ENOX1: variants seen among roughly 807,000 people sequenced by gnomAD.
The protein encoded by ENOX1 is ecto-NOX disulfide-thiol exchanger 1, also known as candidate growth-related and time keeping constitutive hydroquinone (NADH) oxidase.
Under a neutral mutation model 82.5 loss-of-function variants are expected in ENOX1, and 42 were observed. That is an observed-to-expected ratio of 0.51 (90% CI 0.40 to 0.66). ENOX1 has a LOEUF of 0.66. Among genes scored for constraint, ENOX1 ranks in the 30% least tolerant of loss-of-function variants. ENOX1 has a pLI of 0.00. For synonymous variants in ENOX1, 271 were observed against 282.2 expected, an observed-to-expected ratio of 0.96 and a Z score of 0.40; for missense variants, 608 against 811.6, an observed-to-expected ratio of 0.75 and a Z score of 3.05.
chr13:43,257,422 C>T (rs1182853658), intron 14 of ENOX1, among the ~76,000 whole-genome samples: 1 of 152,058 alleles, frequency 6.6e-6, no homozygotes, highest in Admixed American at 6.6e-5. Context: ...ATCTATTATG[C>T]ACTGATAAAA....
chr13:43,283,594 T>G (rs2045523410), intron 12 of ENOX1, among the ~76,000 whole-genome samples: 1 of 151,890 alleles, frequency 6.6e-6, no homozygotes, highest in Non-Finnish European at 1.5e-5. Flanking sequence ...CACAGGCACG[T>G]GCTACTATGC....
chr13:43,341,347 G>T (rs1028150738), intron 9 of ENOX1, among the ~76,000 whole-genome samples: 1 of 151,924 alleles, frequency 6.6e-6, no homozygotes, highest in African/African-American at 2.4e-5. Context: ...AGAAGAGGGT[G>T]GACCAGAAAA....
intron 5 of ENOX1, among the ~76,000 whole-genome samples, chr13:43,367,171 G>T (rs2050903294): frequency 6.6e-6 from 1 of 152,138 alleles, no homozygotes; most frequent in Non-Finnish European, 1.5e-5. Flanking sequence ...TACCAATACA[G>T]TAATGACACT....
intron 2 of ENOX1, among the ~76,000 whole-genome samples, chr13:43,606,587 A>G (rs2081983575): frequency 6.6e-6 from 1 of 152,224 alleles, no homozygotes; most frequent in South Asian, 2.1e-4. Context: ...TGTGGGAGCT[A>G]AAAATTAAAA....
rs2052831653 is a variant in ENOX1 at position 43,392,291 on chromosome 13, C to T, written c.208+19625G>A. ...CCTGTCTCCACAATCAGAATATGAG[C>T]TCCATGACAGCAGGAATAACTTTAG... On this transcript the variant is annotated intron_variant, in intron 5 of 16. Coordinates refer to ENST00000690772, the MANE Select transcript of ENOX1 (RefSeq NM_001347969.2). 2.0e-5 allele frequency among the ~76,000 whole-genome samples: 3 copies of T among 152,152 alleles called. No individual in the cohort carries two copies. The South Asian group carries it at 6.2e-4, about 32-fold the overall frequency.
intron 3 of ENOX1, among the ~76,000 whole-genome samples, chr13:43,470,366 G>GTATATA (rs1427781888): frequency 1.4e-4 from 1 of 7,198 alleles, no homozygotes; most frequent in East Asian, 1.3e-3. Flanking sequence ...ATATATATAC[G>GTATATA]TATATATATA....
chr13:43,286,103 G>T (rs2045688232), intron 12 of ENOX1, among the ~76,000 whole-genome samples: 1 of 152,148 alleles, frequency 6.6e-6, no homozygotes, highest in Non-Finnish European at 1.5e-5. Flanking sequence ...CAACCATGTT[G>T]CTGGCAGGGT....
chr13:43,436,576 T>C (rs1288628476), intron 3 of ENOX1, among the ~76,000 whole-genome samples: 1 of 152,298 alleles, frequency 6.6e-6, no homozygotes, highest in South Asian at 2.1e-4. Context: ...CAACCTTTCA[T>C]GGCAGAGAAG....
At chr13:43,291,773 C>G (rs926986417) in intron 12 of ENOX1, among the ~76,000 whole-genome samples, 38 of 152,288 alleles carry the variant, frequency 2.5e-4, no homozygotes, top group African/African-American at 8.9e-4. Flanking sequence ...GTATTTTCTT[C>G]CTCCAGAGAC....
intron 2 of ENOX1, among the ~76,000 whole-genome samples, chr13:43,644,951 A>C (rs2083825493): frequency 6.6e-6 from 1 of 152,172 alleles, no homozygotes; most frequent in Admixed American, 6.6e-5. Context: ...ACTTGGGTTC[A>C]ATTTGTCACT....
intron 3 of ENOX1, among the ~76,000 whole-genome samples, chr13:43,438,210 G>A (rs941313500): frequency 2.0e-5 from 3 of 152,136 alleles, no homozygotes; most frequent in African/African-American, 7.2e-5. Flanking sequence ...GAGTGACAGG[G>A]TCAAATTTGT....
intron 12 of ENOX1, among the ~76,000 whole-genome samples, chr13:43,276,874 TG>T (rs1566400949): frequency 1.3e-5 from 2 of 152,220 alleles, no homozygotes; most frequent in African/African-American, 4.8e-5. Context: ...TCTTGTTACA[TG>T]GGCTTGTAAG....
At chr13:43,293,551 A>T (rs189894536) in intron 12 of ENOX1, among the ~76,000 whole-genome samples, 25 of 152,166 alleles carry the variant, frequency 1.6e-4, no homozygotes. Flanking sequence ...ACCACCCCTA[A>T]CATTATTATG....
At chr13:43,292,774 G>GT (rs1566439247) in intron 12 of ENOX1, among the ~76,000 whole-genome samples, 2 of 151,532 alleles carry the variant, frequency 1.3e-5, no homozygotes, top group South Asian at 2.1e-4. Flanking sequence ...TGCCACTATG[G>GT]CCCCTTCACC....
chr13:43,706,924 T>C (rs931360970), intron 1 of ENOX1, among the ~76,000 whole-genome samples: 1 of 152,056 alleles, frequency 6.6e-6, no homozygotes, highest in Admixed American at 6.5e-5. Flanking sequence ...ATATATGGCA[T>C]AAACATTAGA....
chr13:43,484,719 G>A (rs182788091), intron 2 of ENOX1, among the ~76,000 whole-genome samples: 81 of 152,286 alleles, frequency 5.3e-4, no homozygotes, highest in African/African-American at 1.9e-3. Flanking sequence ...AGATAATGCT[G>A]CAACATACTA....
chr13:43,460,470 A>C (rs1436834143), intron 3 of ENOX1, among the ~76,000 whole-genome samples: 1 of 152,128 alleles, frequency 6.6e-6, no homozygotes, highest in Non-Finnish European at 1.5e-5. Context: ...GCCCAGTAAT[A>C]AGGAGTTTCC....
chr13:43,578,114 G>A (rs1424910958), intron 2 of ENOX1, among the ~76,000 whole-genome samples: 4 of 152,088 alleles, frequency 2.6e-5, no homozygotes, highest in African/African-American at 7.2e-5. Flanking sequence ...TTTACCTGAC[G>A]ACACACGACA....
At chr13:43,634,511 A>T (rs1398800282) in intron 2 of ENOX1, among the ~76,000 whole-genome samples, 1 of 152,228 alleles carries the variant, frequency 6.6e-6, no homozygotes, top group African/African-American at 2.4e-5. Flanking sequence ...GGTGTTGTAG[A>T]GAAGGAGCTC....
Sources: gnomAD v4.1 joint callset for allele counts (sites outside exome capture counted in the v4.1 genomes callset) on GRCh38, gnomAD v4.1.1 for gene constraint, MANE v1.5 for transcripts, NCBI Gene and HGNC (gene_info 2026-07-23, HGNC 2026-07-21) for gene names.